Variants in SNAPC4 observed in about 807,000 individuals in gnomAD.
The protein encoded by SNAPC4 is snRNA-activating protein complex subunit 4.
A neutral mutation model predicts 151.3 loss-of-function variants in SNAPC4; 127 were observed. That is an observed-to-expected ratio of 0.84 (90% CI 0.73 to 0.97). The LOEUF (loss-of-function observed/expected upper bound fraction) is 0.97, where lower values mean the gene tolerates loss of function less well. SNAPC4 is among the 50% of genes least tolerant of loss of function. The pLI is 0.00. For synonymous variants in SNAPC4, 1,002 were observed against 824.4 expected (o/e 1.22, Z -3.69); for missense variants, 2,186 against 1,935.0 (o/e 1.13, Z -2.43).
chr9:136,395,183 C>A lies in SNAPC4; in HGVS notation c.471+115G>T, dbSNP rs939918778. The A allele has an allele frequency of 8.8e-6, 12 of 1,361,586 alleles. No individual in the cohort carries two copies. The African/African-American group carries it at 1.0e-4, about 11-fold the overall frequency. The allele number at this position is 1,361,586 out of a possible 1,614,324, so 84.3% of individuals were successfully genotyped here. The stretch of plus-strand genomic sequence containing the variant: ...GAGGAGGCAGTTTGAAGGAGGTTGG[C>A]CAATGTTATCTTGAACTCACAGGAA... On this transcript the variant is annotated intron_variant, in intron 5 of 23. Coordinates refer to ENST00000684778, the MANE Select transcript of SNAPC4 (RefSeq NM_003086.4).
chr9:136,393,733 T>C (rs1156682274), intron 7 of SNAPC4, among the ~76,000 whole-genome samples: 1 of 152,108 alleles, frequency 6.6e-6, no homozygotes, highest in Non-Finnish European at 1.5e-5. Flanking sequence ...TGTGGACTGA[T>C]CCTGCGCTTA....
intron 10 of SNAPC4, among the ~76,000 whole-genome samples, chr9:136,390,999 TA>T (rs1834054506): frequency 6.6e-6 from 1 of 152,078 alleles, no homozygotes; most frequent in African/African-American, 2.4e-5. Flanking sequence ...CACGCCCGGC[TA>T]ATTTTGTATT....
chr9:136,397,787 G>T (rs1259174709), intron 2 of SNAPC4, among the ~76,000 whole-genome samples: 1 of 151,810 alleles, frequency 6.6e-6, no homozygotes, highest in African/African-American at 2.4e-5. Context: ...GATCCTAGGG[G>T]TGTGAGCTGT....
intron 7 of SNAPC4, 58 bp from the exon 8 acceptor site, chr9:136,392,835 G>A (rs1437377779): frequency 1.4e-6 from 2 of 1,395,310 alleles, no homozygotes; most frequent in Non-Finnish European, 1.0e-6. Context: ...GGCGGGGCAG[G>A]TTCTCTGCAC....
At chr9:136,377,151 C>A (rs1833476369) in intron 22 of SNAPC4, among the ~76,000 whole-genome samples, 2 of 151,474 alleles carry the variant, frequency 1.3e-5, no homozygotes, top group Admixed American at 1.3e-4. Context: ...CAGAGACAAA[C>A]ACAGCCACCA....
At chr9:136,388,405 T>C in intron 11 of SNAPC4, 39 bp downstream of exon 11, 7 of 1,600,604 alleles carry the variant, frequency 4.4e-6, no homozygotes, top group African/African-American at 2.7e-5. Context: ...TATGGGGCCC[T>C]GTGACAGCCT....
At chr9:136,399,515 G>C (rs1033687365) in intron 1 of SNAPC4, among the ~76,000 whole-genome samples, 1 of 152,196 alleles carries the variant, frequency 6.6e-6, no homozygotes, top group Non-Finnish European at 1.5e-5. Context: ...TGTCGCTCAG[G>C]TGAGCAATGA....
chr9:136,381,820 A>G lies in SNAPC4; in HGVS notation c.2317+4T>C. 3 of 1,610,416 alleles carry G rather than the reference A, an allele frequency of 1.9e-6. No individual in the cohort carries two copies. Among genetic ancestry groups the G allele is most frequent in the East Asian group, 2.2e-5 (1 of 44,856 alleles). On this transcript the variant is annotated splice_donor_region_variant and intron_variant, in intron 18 of 23. Transcript: ENST00000684778. ...GATGCTCCCAGAGGAGCCCCAGGCC[A>G]TACCTTGAGTCTGCACTACGGCGGG...
In SNAPC4 at chr9:136,380,175, G is replaced by A. The variant is rs112003184; in HGVS notation, c.2500-311C>T. Among the ~76,000 whole-genome samples, 549 of 152,260 alleles carry A rather than the reference G, an allele frequency of 3.6e-3. 4 individuals are homozygous for A. Among genetic ancestry groups the A allele is most frequent in the African/African-American group, 0.012 (518 of 41,550 alleles). On this transcript the variant is annotated intron_variant, in intron 20 of 23. Coordinates refer to ENST00000684778, the MANE Select transcript of SNAPC4 (RefSeq NM_003086.4). ...GGCTGTGACCCCTTGGGTAGGGGAC[G>A]TTGTCGTGCCCTGCACAGCAGGCAA...
rs369947807 is a variant in SNAPC4, at chr9:136,382,266, C to T, written c.2054G>A (p.Arg685Gln). ...LRVLRANTAARSCTQKEQLRQ... is the reference protein window; with the variant it reads ...LRVLRANTAAQSCTQKEQLRQ... ...AGCAGGCCTCACCTGTGTGCAGCTCCGAGCAGCCGTGTTGGCCCTGAGCAC... is the reference window on the plus strand; with the variant it reads ...AGCAGGCCTCACCTGTGTGCAGCTCTGAGCAGCCGTGTTGGCCCTGAGCAC... Residue 685 changes from arginine to glutamine, a missense_variant, in exon 17 of 24, where the codon CGG becomes CAG. Coordinates refer to ENST00000684778, the MANE Select transcript of SNAPC4 (RefSeq NM_003086.4). 2.4e-5 allele frequency: 39 copies of T among 1,612,794 alleles called. No individual in the cohort carries two copies. Among genetic ancestry groups the T allele is most frequent in the Middle Eastern group, 3.4e-4 (2 of 5,920 alleles).
Position 136,392,502 on chromosome 9 carries a change from CA to C in SNAPC4, c.810+19del, listed in dbSNP as rs1834114342. The C allele has an allele frequency of 1.2e-6, 2 of 1,612,000 alleles. No individual in the cohort carries two copies. The highest frequency in any genetic ancestry group is 1.7e-6 in the Non-Finnish European group (2 of 1,178,978). On this transcript the variant is annotated intron_variant, in intron 9 of 23. Coordinates refer to ENST00000684778, the MANE Select transcript of SNAPC4 (RefSeq NM_003086.4). The stretch of plus-strand genomic sequence containing the variant: ...GCTGTGCTCCAAGCTGCTTGGGGCT[CA>C]GACCTGCCCCTGACTTACGTTAATA...
chr9:136,376,405 A>G lies in SNAPC4; in HGVS notation c.4361T>C (p.Leu1454Pro), dbSNP rs771731259. Residue 1454 changes from leucine (L) to proline (P), a missense_variant, in exon 23 of 24, where the codon CTC becomes CCC. Physicochemically the swap from Leu to Pro is moderately conservative, Grantham distance 98 (BLOSUM62 -3). Coordinates refer to ENST00000684778, the MANE Select transcript of SNAPC4 (RefSeq NM_003086.4). ...GGTGTGCCTGGCATGCCGGGTTCTG[A>G]GCACGTCCAGGTCGTCAGGGTCATT... ...TSNDPDDLDVLRTRHARHTRK... is the reference protein window; with the variant it reads ...TSNDPDDLDVPRTRHARHTRK... 1.2e-6 allele frequency: 2 copies of G among 1,613,340 alleles called. No homozygotes were observed. The highest frequency in any genetic ancestry group is 8.5e-7 in the Non-Finnish European group (1 of 1,179,962).
chr9:136,390,561 A>C (rs1379464467), intron 10 of SNAPC4, among the ~76,000 whole-genome samples: 2 of 145,880 alleles, frequency 1.4e-5, no homozygotes, highest in Non-Finnish European at 3.0e-5. Context: ...TTTGAAAAAA[A>C]AAAAAAAAAA....
chr9:136,386,515 T>C (rs1162536280), intron 13 of SNAPC4, among the ~76,000 whole-genome samples: 1 of 147,222 alleles, frequency 6.8e-6, no homozygotes, highest in East Asian at 2.1e-4. Flanking sequence ...GCTCACTGCA[T>C]CCTCCGCCTC....
chr9:136,398,622 C>T (rs1834354106), intron 1 of SNAPC4, 185 bp from the exon 2 acceptor site: 1 of 611,030 alleles, frequency 1.6e-6, no homozygotes, highest in Admixed American at 3.0e-5. Context: ...ACCTCAGACC[C>T]CACAAACTCC....
rs1229006909 is a variant in SNAPC4, at chr9:136,379,042, G to A, written c.2785C>T (p.Leu929Phe). Residue 929 changes from leucine to phenylalanine, a missense_variant, in exon 22 of 24, where the codon CTC becomes TTC. Physicochemically the swap from Leu to Phe is conservative, Grantham distance 22. Transcript: ENST00000684778. ...SQLLVSSSVI[L>F]QPPLPHTPHG... The stretch of plus-strand genomic sequence containing the variant: ...GGGGTGTGTGGTAGAGGGGGCTGGA[G>A]GATCACAGACGAGGAGACCAGCAGC... 1.9e-6 allele frequency: 3 copies of A among 1,595,650 alleles called. No homozygotes were observed. The highest frequency in any genetic ancestry group is 1.3e-5 in the African/African-American group (1 of 74,748).
At chr9:136,386,688 C>A (rs1376381466) in intron 13 of SNAPC4, among the ~76,000 whole-genome samples, 2 of 152,174 alleles carry the variant, frequency 1.3e-5, no homozygotes, top group East Asian at 3.9e-4. Flanking sequence ...CCGGCCTCGG[C>A]CTCCCAAAGT....
rs1230193636 is a variant in SNAPC4 at position 136,395,391 on chromosome 9, T to C, written c.378A>G (p.Lys126=). Residue 126 remains lysine (K), a synonymous_variant, in exon 5 of 24, where the codon AAA becomes AAG. Coordinates refer to ENST00000684778, the MANE Select transcript of SNAPC4 (RefSeq NM_003086.4). Reference sequence around the variant, plus strand: ...TTTTGCCATCTTTCACCTTGGTGCCTTTGGACCCAGCCAGATCCCTCATGA... The same window carrying C: ...TTTTGCCATCTTTCACCTTGGTGCCCTTGGACCCAGCCAGATCCCTCATGA... ...EELMRDLAGS[K]GTKVKDGKSL... The C allele has an allele frequency of 8.1e-6, 13 of 1,613,500 alleles. No homozygotes were observed. Among genetic ancestry groups the C allele is most frequent in the Non-Finnish European group, 1.0e-5 (12 of 1,179,954 alleles).
rs1050361886 is a variant in SNAPC4 at position 136,394,975 on chromosome 9, C to T, written c.472-97G>A. ...GAGCCCACAAAAGGACTCGGGCTCCCCCTGCCTCCTGTTCTCCCGTACTGT... is the reference window on the plus strand; with the variant it reads ...GAGCCCACAAAAGGACTCGGGCTCCTCCTGCCTCCTGTTCTCCCGTACTGT... On this transcript the variant is annotated intron_variant, in intron 5 of 23. Transcript: ENST00000684778. The T allele has an allele frequency of 2.7e-6, 3 of 1,099,806 alleles. No individual in the cohort carries two copies. The African/African-American group carries it at 4.7e-5, about 17-fold the overall frequency. 68.1% of individuals were successfully genotyped at this position (1,099,806 alleles called of 1,614,324 possible).
Sources: gnomAD v4.1 joint callset for allele counts (sites outside exome capture counted in the v4.1 genomes callset) on GRCh38, gnomAD v4.1.1 for gene constraint, MANE v1.5 for transcripts, NCBI Gene and HGNC (gene_info 2026-07-23, HGNC 2026-07-21) for gene names.